The following COX7B2 variants were observed in gnomAD, a reference collection of about 807,000 sequenced individuals.
The protein encoded by COX7B2 is cytochrome c oxidase subunit 7B2.
For synonymous variants in COX7B2, 37 were observed against 32.1 expected (o/e 1.15, Z -0.51); for missense variants, 109 against 95.9 (o/e 1.14, Z -0.57).
At chr4:46,800,799 C>G (rs182830919) in intron 2 of COX7B2, among the ~76,000 whole-genome samples, 1 of 151,860 alleles carries the variant, frequency 6.6e-6, no homozygotes, top group East Asian at 1.9e-4. Flanking sequence ...ACAGAATAAA[C>G]AGAATAAATC....
intron 2 of COX7B2, among the ~76,000 whole-genome samples, chr4:46,815,465 T>TACATACA (rs1719503838): frequency 6.6e-6 from 1 of 152,192 alleles, no homozygotes; most frequent in Non-Finnish European, 1.5e-5. Flanking sequence ...TTTTATATTG[T>TACATACA]ATGTTTTGTG....
At chr4:46,752,427 T>C (rs1037926377) in intron 2 of COX7B2, among the ~76,000 whole-genome samples, 1 of 152,114 alleles carries the variant, frequency 6.6e-6, no homozygotes, top group African/African-American at 2.4e-5. Context: ...TCCTGCCTGA[T>C]TACCCTGGCC....
chr4:46,830,080 C>T (rs1439705900), intron 2 of COX7B2, among the ~76,000 whole-genome samples: 1 of 152,160 alleles, frequency 6.6e-6, no homozygotes, highest in East Asian at 1.9e-4. Context: ...AATCCTAGCA[C>T]TTTGGGAGGC....
At chr4:46,787,576 A>C (rs542349026) in intron 2 of COX7B2, among the ~76,000 whole-genome samples, 1 of 152,370 alleles carries the variant, frequency 6.6e-6, no homozygotes, top group South Asian at 2.1e-4. Context: ...AAGAAAAAAT[A>C]AAATGGGAAC....
chr4:46,859,831 C>T (rs1300998435), intron 1 of COX7B2, among the ~76,000 whole-genome samples: 4 of 152,180 alleles, frequency 2.6e-5, no homozygotes, highest in Non-Finnish European at 5.9e-5. Flanking sequence ...CTGAATAACC[C>T]ACCCCTTAAT....
intron 1 of COX7B2, among the ~76,000 whole-genome samples, chr4:46,854,530 C>A (rs2109786449): frequency 6.6e-6 from 1 of 152,322 alleles, no homozygotes; most frequent in East Asian, 1.9e-4. Flanking sequence ...TATTGGGCAG[C>A]ACTGTTCTAC....
intron 1 of COX7B2, among the ~76,000 whole-genome samples, chr4:46,878,850 T>C (rs1161716873): frequency 1.3e-5 from 2 of 152,206 alleles, no homozygotes; most frequent in Non-Finnish European, 2.9e-5. Context: ...TCACTAGTTC[T>C]ACTTACATTT....
chr4:46,801,333 T>C (rs1055463803), intron 2 of COX7B2, among the ~76,000 whole-genome samples: 1 of 152,112 alleles, frequency 6.6e-6, no homozygotes, highest in Non-Finnish European at 1.5e-5. Context: ...GGAATCGACA[T>C]AGATGCCCAT....
intron 2 of COX7B2, among the ~76,000 whole-genome samples, chr4:46,785,269 C>T (rs1477419741): frequency 6.6e-6 from 1 of 151,836 alleles, no homozygotes; most frequent in African/African-American, 2.4e-5. Flanking sequence ...GATGTAGAAA[C>T]AACTACCAAA....
chr4:46,771,268 C>T (rs1560369736), intron 2 of COX7B2, among the ~76,000 whole-genome samples: 2 of 152,078 alleles, frequency 1.3e-5, no homozygotes, highest in African/African-American at 4.8e-5. Context: ...TGAGACATTA[C>T]CTCAGACCCA....
At chr4:46,760,384 A>C (rs1333502086) in intron 2 of COX7B2, among the ~76,000 whole-genome samples, 1 of 152,234 alleles carries the variant, frequency 6.6e-6, no homozygotes, top group East Asian at 1.9e-4. Context: ...GTCATAAAAA[A>C]GGATGAGTTC....
intron 2 of COX7B2, among the ~76,000 whole-genome samples, chr4:46,819,488 T>C (rs927905517): frequency 1.3e-5 from 2 of 150,972 alleles, no homozygotes; most frequent in African/African-American, 2.4e-5. Flanking sequence ...AGAAGAAGAA[T>C]TGTCTTGGGC....
chr4:46,822,849 G>A (rs1309949344), intron 2 of COX7B2, among the ~76,000 whole-genome samples: 2 of 152,058 alleles, frequency 1.3e-5, no homozygotes, highest in African/African-American at 4.8e-5. Context: ...AATAAAAATA[G>A]CTAGAAAGAA....
chr4:46,895,971 G>A (rs1000981317), intron 1 of COX7B2, among the ~76,000 whole-genome samples: 1 of 152,066 alleles, frequency 6.6e-6, no homozygotes, highest in Non-Finnish European at 1.5e-5. Context: ...ATCTCTTCTT[G>A]AGAATAAGTA....
Position 46,735,215 on chromosome 4 carries a change from C to A in COX7B2, c.-23G>T. 6.2e-7 allele frequency: 1 copy of A among 1,612,182 alleles called. No homozygotes were observed. The highest frequency in any genetic ancestry group is 8.5e-7 in the Non-Finnish European group (1 of 1,179,436). Reference sequence around the variant, plus strand: ...CATGAAGGATTGCAGTTGCCTTCAGCTACTGGTCTATTTTGTTGCAAAGAG... The same window carrying A: ...CATGAAGGATTGCAGTTGCCTTCAGATACTGGTCTATTTTGTTGCAAAGAG... On this transcript the variant is annotated 5_prime_UTR_variant, in exon 3 of 3. Transcript: ENST00000355591.
chr4:46,759,569 T>C (rs1432754020), intron 2 of COX7B2, among the ~76,000 whole-genome samples: 3 of 151,914 alleles, frequency 2.0e-5, no homozygotes, highest in African/African-American at 7.2e-5. Context: ...AGAAGACATT[T>C]ATGCGGCCAA....
intron 1 of COX7B2, among the ~76,000 whole-genome samples, chr4:46,897,394 G>C (rs755756157): frequency 6.6e-6 from 1 of 152,284 alleles, no homozygotes; most frequent in Non-Finnish European, 1.5e-5. Flanking sequence ...CTTTCTCTCT[G>C]TCTCAGGAGA....
chr4:46,768,685 A>G (rs1716694602), intron 2 of COX7B2, among the ~76,000 whole-genome samples: 1 of 152,198 alleles, frequency 6.6e-6, no homozygotes, highest in Non-Finnish European at 1.5e-5. Flanking sequence ...AGGAACCAGA[A>G]CAAGAATAAA....
chr4:46,887,915 C>T (rs1225993343), intron 1 of COX7B2, among the ~76,000 whole-genome samples: 2 of 152,064 alleles, frequency 1.3e-5, no homozygotes, highest in African/African-American at 4.8e-5. Context: ...GTCTCCTAGA[C>T]ATGGTTCACT....
Sources: gnomAD v4.1 joint callset for allele counts (sites outside exome capture counted in the v4.1 genomes callset) on GRCh38, gnomAD v4.1.1 for gene constraint, MANE v1.5 for transcripts, NCBI Gene and HGNC (gene_info 2026-07-23, HGNC 2026-07-21) for gene names.